The following STARD13 variants were observed in gnomAD, a reference collection of about 807,000 sequenced individuals.
STARD13 encodes the protein StAR related lipid transfer domain containing 13.
In STARD13, 62 loss-of-function variants were observed where a neutral mutation model predicts 106.4. That is an observed-to-expected ratio of 0.58 (90% CI 0.48 to 0.72). STARD13 has a LOEUF of 0.72. Ranked by LOEUF, STARD13 falls within the 30% of genes least tolerant of loss-of-function variation. The pLI is 0.00. For missense variants in STARD13, 1,387 were observed against 1,424.0 expected, an observed-to-expected ratio of 0.97 and a Z score of 0.42; for synonymous variants, 565 against 553.0, an observed-to-expected ratio of 1.02 and a Z score of -0.31.
rs189044162 is a variant in STARD13, at chr13:33,138,708, C to G, written c.387+3602G>C. ...GGGAGTGGAGAGCCCGAGCTGCAGG[C>G]GGCAGAAGTGCTGGTGTCCTGTCTC... On this transcript the variant is annotated intron_variant, in intron 4 of 13. Transcript: ENST00000336934. 2.1e-5 allele frequency: 7 copies of G among 333,102 alleles called. 1 individual carries two copies. Among genetic ancestry groups the G allele is most frequent in the South Asian group, 1.4e-4 (6 of 41,548 alleles). 20.6% of individuals were successfully genotyped at this position (333,102 alleles called of 1,614,324 possible).
At chr13:33,232,552 A>T (rs1020794801) in intron 1 of STARD13, among the ~76,000 whole-genome samples, 1 of 152,190 alleles carries the variant, frequency 6.6e-6, no homozygotes, top group South Asian at 2.1e-4. Context: ...GTGAAAACAC[A>T]ATCACTCAAT....
At chr13:33,183,721 G>C (rs1438319825) in intron 1 of STARD13, among the ~76,000 whole-genome samples, 2 of 151,982 alleles carry the variant, frequency 1.3e-5, no homozygotes, top group Admixed American at 6.6e-5. Flanking sequence ...TGGAGAAGGA[G>C]GGCAGTTCCG....
chr13:33,160,362 G>T (rs1882478760), intron 3 of STARD13, among the ~76,000 whole-genome samples: 1 of 152,110 alleles, frequency 6.6e-6, no homozygotes, highest in South Asian at 2.1e-4. Context: ...AAAACATAGG[G>T]TAAATAGTTG....
chr13:33,255,381 T>C (rs553384487), intron 1 of STARD13, among the ~76,000 whole-genome samples: 4 of 151,842 alleles, frequency 2.6e-5, no homozygotes, highest in African/African-American at 9.7e-5. Flanking sequence ...CTAAGAAAAA[T>C]ATTTATCCAG....
intron 1 of STARD13, among the ~76,000 whole-genome samples, chr13:33,296,743 C>G (rs1892511194): frequency 6.6e-6 from 1 of 152,118 alleles, no homozygotes; most frequent in South Asian, 2.1e-4. Flanking sequence ...CTCAGCCTCC[C>G]AAGTAGCTGG....
intron 1 of STARD13, among the ~76,000 whole-genome samples, chr13:33,229,724 CTTTG>C (rs1480102187): frequency 6.6e-6 from 1 of 152,126 alleles, no homozygotes; most frequent in Non-Finnish European, 1.5e-5. Flanking sequence ...AGAAAGAACC[CTTTG>C]TTTGGAAAAC....
chr13:33,665,558 T>A, the STARD13 span, among the ~76,000 whole-genome samples: 1 of 152,352 alleles, frequency 6.6e-6, no homozygotes, highest in Non-Finnish European at 1.5e-5. Context: ...TGCCAGTTGC[T>A]TTGTGCTGGT....
chr13:33,640,004 G>C, the STARD13 span, among the ~76,000 whole-genome samples: 8 of 152,188 alleles, frequency 5.3e-5, no homozygotes, highest in East Asian at 1.3e-3. Flanking sequence ...AGACCTTCTA[G>C]GGGAATTTGC....
upstream of STARD13, among the ~76,000 whole-genome samples, chr13:33,286,095 C>G (rs750227284): frequency 6.6e-6 from 1 of 152,032 alleles, no homozygotes; most frequent in Non-Finnish European, 1.5e-5. Context: ...AAAGCTCCTT[C>G]GCTTTCTACA....
the STARD13 span, among the ~76,000 whole-genome samples, chr13:33,424,457 C>A: frequency 1.3e-3 from 194 of 152,206 alleles, 4 homozygotes; most frequent in African/African-American, 4.5e-3. Context: ...AAGCATTCTG[C>A]GCACATTATT....
At chr13:33,271,809 G>GA (rs565256155) in intron 1 of STARD13, among the ~76,000 whole-genome samples, 36 of 148,498 alleles carry the variant, frequency 2.4e-4, no homozygotes, top group South Asian at 6.7e-4. Flanking sequence ...ATAATGATGG[G>GA]AAAAAAAAAG....
chr13:33,676,203 TA>T, the STARD13 span, among the ~76,000 whole-genome samples: 1 of 152,180 alleles, frequency 6.6e-6, no homozygotes, highest in Non-Finnish European at 1.5e-5. Context: ...CGGCGGAGTT[TA>T]ATCCCCTCCC....
chr13:33,241,535 GCCCCTCCCCCTC>G (rs1023682671), intron 1 of STARD13, among the ~76,000 whole-genome samples: 3 of 148,430 alleles, frequency 2.0e-5, no homozygotes, highest in South Asian at 2.1e-4. Context: ...TAAAAAGTAT[GCCCCTCCCCCTC>G]CCCCTCCCCC....
chr13:33,510,835 G>A, the STARD13 span, among the ~76,000 whole-genome samples: 209 of 152,144 alleles, frequency 1.4e-3, no homozygotes, highest in Non-Finnish European at 2.4e-3. Flanking sequence ...ATAAGCCCTG[G>A]TTTTCCAAAT....
rs377015582 is a variant in STARD13, at chr13:33,299,766, C to A, written c.124+50524G>T. 2.0e-5 allele frequency among the ~76,000 whole-genome samples: 3 copies of A among 152,168 alleles called. No individual in the cohort carries two copies. The South Asian group carries it at 6.2e-4, about 32-fold the overall frequency. ...TCATTTAACAATGATTTCATGAATG[C>A]CTACTCTGTGCCAGGCAAAGTTCTT... On this transcript the variant is annotated intron_variant, in intron 1 of 5. Transcript: ENST00000567873.
At chr13:33,232,686 T>A (rs1046828437) in intron 1 of STARD13, among the ~76,000 whole-genome samples, 1 of 152,260 alleles carries the variant, frequency 6.6e-6, no homozygotes, top group African/African-American at 2.4e-5. Context: ...TGTTTTTGAA[T>A]AAACATAGAA....
chr13:33,586,106 T>A, the STARD13 span, among the ~76,000 whole-genome samples: 1 of 152,128 alleles, frequency 6.6e-6, no homozygotes, highest in Non-Finnish European at 1.5e-5. Flanking sequence ...GCAATAAGAA[T>A]ATAATAAAAA....
the STARD13 span, among the ~76,000 whole-genome samples, chr13:33,663,083 CT>C: frequency 8.5e-5 from 13 of 152,200 alleles, no homozygotes; most frequent in Admixed American, 8.5e-4. Context: ...AACAATATTA[CT>C]TTCTTTTTTT....
the STARD13 span, among the ~76,000 whole-genome samples, chr13:33,461,105 C>T: frequency 6.6e-6 from 1 of 152,142 alleles, no homozygotes; most frequent in Non-Finnish European, 1.5e-5. Context: ...AAGGAGAGAT[C>T]ACCAAGGGGT....
Sources: gnomAD v4.1 joint callset for allele counts (sites outside exome capture counted in the v4.1 genomes callset) on GRCh38, gnomAD v4.1.1 for gene constraint, MANE v1.5 for transcripts, NCBI Gene and HGNC (gene_info 2026-07-23, HGNC 2026-07-21) for gene names.